Variants in ZZEF1 observed in about 807,000 individuals in gnomAD.
The protein encoded by ZZEF1 is zinc finger ZZ-type and EF-hand domain-containing protein 1.
A neutral mutation model predicts 342.8 loss-of-function variants in ZZEF1; 157 were observed. The ratio of observed to expected loss-of-function variants is 0.46; its 90% CI spans 0.40 to 0.52. ZZEF1 has a LOEUF of 0.52. Among genes scored for constraint, ZZEF1 ranks in the 20% least tolerant of loss-of-function variants. The probability of loss-of-function intolerance (pLI) is 0.00; values close to 1 mark genes in which losing one functional copy is unlikely to be tolerated. For missense variants in ZZEF1, 3,480 were observed against 3,725.6 expected, an observed-to-expected ratio of 0.93 and a Z score of 1.72; for synonymous variants, 1,505 against 1,429.1, an observed-to-expected ratio of 1.05 and a Z score of -1.20.
At chr17:4,045,941 C>T (rs906314884) in intron 37 of ZZEF1, among the ~76,000 whole-genome samples, 1 of 151,830 alleles carries the variant, frequency 6.6e-6, no homozygotes, top group Non-Finnish European at 1.5e-5. Context: ...GATTCTCCTG[C>T]CTCAGCCTCA....
At chr17:4,069,886 G>C (rs536583570) in intron 26 of ZZEF1, among the ~76,000 whole-genome samples, 2 of 152,178 alleles carry the variant, frequency 1.3e-5, no homozygotes, top group Non-Finnish European at 2.9e-5. Flanking sequence ...CACTCTAGTG[G>C]AAGGAAGCTC....
In ZZEF1 at chr17:4,014,047, C is replaced by G. The variant is rs745431119; in HGVS notation, c.8413+43G>C. ...ATGGCACCCACAGCCATGGAGTGTC[C>G]CTGGCAGGCAGATGGTGTGAACGCA... On this transcript the variant is annotated intron_variant, in intron 51 of 54. Coordinates refer to ENST00000381638, the MANE Select transcript of ZZEF1 (RefSeq NM_015113.4). This position sits in a 1 kb window ranked among gnomAD's most constrained non-coding sequence, Gnocchi z 4.4. 1.6e-5 allele frequency: 25 copies of G among 1,572,732 alleles called. No individual in the cohort carries two copies. In the South Asian group the frequency reaches 2.2e-4, roughly 14 times the overall value.
Position 4,076,711 on chromosome 17 carries a change from G to A in ZZEF1, c.3160C>T (p.Leu1054Phe), listed in dbSNP as rs377107883. The A allele has an allele frequency of 1.5e-5, 25 of 1,613,178 alleles. No homozygotes were observed. The African/African-American group carries it at 3.3e-4, about 22-fold the overall frequency. ...GTGAGGACGCTGAACTCTCTCAAGA[G>A]CACGCAGTGTGGGATGTCTAAAGTG... ...FCTLDIPHCV[L>F]LREFSVLTEL... The change falls in exon 21 of 55, where the codon CTC becomes TTC. Residue 1054 changes from leucine to phenylalanine, a missense_variant. Around this residue, in one of 5 missense-constraint regions of ZZEF1, gnomAD observed 1,528 missense variants for 1,624.1 expected, o/e 0.94. Coordinates refer to ENST00000381638, the MANE Select transcript of ZZEF1 (RefSeq NM_015113.4).
At position 4,013,587 on chromosome 17, in the gene ZZEF1, G is replaced by T; in HGVS notation, c.8441C>A (p.Ser2814Ter). Reference sequence around the variant, plus strand: ...GAGATGAGGCACGACCCTTTCTTCTGACAACATCTGCTTCAAAATCTCGAA... The same window carrying T: ...GAGATGAGGCACGACCCTTTCTTCTTACAACATCTGCTTCAAAATCTCGAA... ...TGFEILKQMLSEERVVPHLPL... is the reference protein window; with the variant it reads ...TGFEILKQML The change falls in exon 52 of 55, where the codon TCA becomes TAA. Residue 2814 changes from serine to a stop codon, truncating the protein, a stop_gained. Coordinates refer to ENST00000381638, the MANE Select transcript of ZZEF1 (RefSeq NM_015113.4). LOFTEE classifies it high-confidence loss of function. 4 of 1,613,140 alleles carry T rather than the reference G, an allele frequency of 2.5e-6. No homozygotes were observed. The highest frequency in any genetic ancestry group is 3.4e-6 in the Non-Finnish European group (4 of 1,179,464).
intron 30 of ZZEF1, among the ~76,000 whole-genome samples, chr17:4,061,530 C>T (rs1303126607): frequency 3.9e-5 from 6 of 152,230 alleles, no homozygotes; most frequent in South Asian, 2.1e-4. Flanking sequence ...TTAGTTAAAA[C>T]GCTGACCTCT....
rs756617750 is a variant in ZZEF1, at chr17:4,114,489, T to A, written c.695-19A>T. ...GGGCTTTCTGTAGGGGAAACCAGAG[T>A]TGATTATATGACATCCCTTTCACAA... On this transcript the variant is annotated intron_variant, in intron 3 of 54. Transcript: ENST00000381638. 6.8e-7 allele frequency: 1 copy of A among 1,477,426 alleles called. No homozygotes were observed. The highest frequency in any genetic ancestry group is 1.4e-5 in the African/African-American group (1 of 69,598). The allele number at this position is 1,477,426 out of a possible 1,614,324, so 91.5% of individuals were successfully genotyped here.
chr17:4,123,368 T>G (rs775394178), intron 2 of ZZEF1, among the ~76,000 whole-genome samples: 9 of 145,856 alleles, frequency 6.2e-5, no homozygotes, highest in Non-Finnish European at 1.4e-4. Context: ...AGGCACCCAC[T>G]GGGGGTGCTG....
At chr17:4,109,508 C>G (rs946414516) in intron 6 of ZZEF1, 145 bp downstream of exon 6, 1 of 757,746 alleles carries the variant, frequency 1.3e-6, no homozygotes, top group Non-Finnish European at 2.2e-6. Flanking sequence ...CTGAGTGGCA[C>G]GAACAGGAAA....
intron 19 of ZZEF1, among the ~76,000 whole-genome samples, chr17:4,077,381 T>C (rs2057643574): frequency 6.6e-6 from 1 of 152,188 alleles, no homozygotes; most frequent in South Asian, 2.1e-4. Flanking sequence ...TCACAGCTGC[T>C]GGGACCAAGT....
At chr17:4,124,180 A>G in intron 1 of ZZEF1, 129 bp from the exon 2 acceptor site, 1 of 1,166,784 alleles carries the variant, frequency 8.6e-7, no homozygotes. Flanking sequence ...AAGAGTCCAT[A>G]TGTATCAACC....
At chr17:4,135,208 G>A (rs2058729364) in intron 1 of ZZEF1, among the ~76,000 whole-genome samples, 1 of 152,182 alleles carries the variant, frequency 6.6e-6, no homozygotes, top group South Asian at 2.1e-4. Context: ...AGATGCGTTG[G>A]CTTACGCCTG....
rs746751934 is a variant in ZZEF1, at chr17:4,095,887, C to T, written c.1857G>A (p.Arg619=). The T allele has an allele frequency of 1.9e-6, 3 of 1,613,540 alleles. No individual in the cohort carries two copies. Among genetic ancestry groups the T allele is most frequent in the South Asian group, 2.2e-5 (2 of 91,034 alleles). Residue 619 remains arginine (R), a synonymous_variant, in exon 11 of 55, where the codon AGG becomes AGA. Transcript: ENST00000381638. ...DKFCAEEHFK[R]FEKYDKWKLQ... ...GCTTCCATTTGTCATATTTTTCAAACCTTTTGAAGTGTTCTTCCGCACAAA... is the reference window on the plus strand; with the variant it reads ...GCTTCCATTTGTCATATTTTTCAAATCTTTTGAAGTGTTCTTCCGCACAAA...
In ZZEF1 at chr17:4,008,773, G is replaced by A; in HGVS notation, c.8805+110C>T. On this transcript the variant is annotated intron_variant, in intron 54 of 54. Transcript: ENST00000381638. The surrounding 1 kb of genome is among the most constrained non-coding windows in gnomAD (Gnocchi z 4.2). ...TGGAACAAGCTCTGTGTAAGCTCCG[G>A]GTGGATTCTGTCCTACTCAGACGCA... 1 of 1,473,106 alleles carries A rather than the reference G, an allele frequency of 6.8e-7. No individual in the cohort carries two copies. Among genetic ancestry groups the A allele is most frequent in the South Asian group, 1.3e-5 (1 of 75,522 alleles). 91.3% of individuals were successfully genotyped at this position (1,473,106 alleles called of 1,614,324 possible).
rs370541705 is a variant in ZZEF1 at position 4,016,476 on chromosome 17, A to G, written c.8002-10T>C. The G allele has an allele frequency of 6.9e-6, 11 of 1,604,608 alleles. No individual in the cohort carries two copies. The highest frequency in any genetic ancestry group is 9.3e-6 in the Non-Finnish European group (11 of 1,178,046). ...GCACTTTCTGCAGGATCTGGTGGGA[A>G]GCAGACAGATAAGGTCAGGGCCTGC... On this transcript the variant is annotated splice_polypyrimidine_tract_variant and intron_variant, in intron 48 of 54. Transcript: ENST00000381638. This position sits in a 1 kb window ranked among gnomAD's most constrained non-coding sequence, Gnocchi z 4.4.
At position 4,021,288 on chromosome 17, in the gene ZZEF1, C is replaced by T. The variant is rs534948253; in HGVS notation, c.7245G>A (p.Lys2415=). ...CGTGCTCAGCCAAAGCGTTGATCTC[C>T]TTTTTTGAGGAGTACAGCATGATGG... ...ILSIMLYSSK[K]EINALAEHGD... Residue 2415 remains lysine, a synonymous_variant, in exon 45 of 55, where the codon AAG becomes AAA. Transcript: ENST00000381638. The T allele has an allele frequency of 1.2e-6, 2 of 1,613,814 alleles. No homozygotes were observed. Among genetic ancestry groups the T allele is most frequent in the Non-Finnish European group, 1.7e-6 (2 of 1,179,888 alleles).
chr17:4,098,575 C>A (rs984982135), intron 9 of ZZEF1, among the ~76,000 whole-genome samples: 1 of 152,186 alleles, frequency 6.6e-6, no homozygotes, highest in Admixed American at 6.5e-5. Context: ...GGTTGCCTTT[C>A]TCTTTCAAAC....
intron 19 of ZZEF1, among the ~76,000 whole-genome samples, chr17:4,077,517 C>T (rs912637207): frequency 6.6e-6 from 1 of 152,226 alleles, no homozygotes; most frequent in Non-Finnish European, 1.5e-5. Context: ...AATGCTCATA[C>T]ACCTTAGATT....
At chr17:4,111,222 CACTT>C (rs1381162374) in intron 5 of ZZEF1, among the ~76,000 whole-genome samples, 4 of 151,950 alleles carry the variant, frequency 2.6e-5, no homozygotes, top group African/African-American at 4.8e-5. Context: ...ACCATACACA[CACTT>C]ACACACACAA....
chr17:4,044,432 A>G, intron 37 of ZZEF1, 58 bp from the exon 38 acceptor site: 11 of 1,511,468 alleles, frequency 7.3e-6, no homozygotes, highest in Middle Eastern at 1.9e-4. Flanking sequence ...TTGCTCCATG[A>G]TTATGATAAC....
Sources: allele counts gnomAD v4.1 joint callset (sites outside exome capture counted in the v4.1 genomes callset), GRCh38; gene constraint gnomAD v4.1.1; regional missense constraint gnomAD v4.1.1; non-coding constraint Gnocchi (gnomAD v3.1); transcripts MANE v1.5; gene names NCBI Gene and HGNC (gene_info 2026-07-23, HGNC 2026-07-21).